The following ZBTB10 variants were observed in gnomAD, a reference collection of about 807,000 sequenced individuals.
ZBTB10 encodes zinc finger and BTB domain containing 10.
In ZBTB10, 32 loss-of-function variants were observed where a neutral mutation model predicts 76.4. That is an observed-to-expected ratio of 0.42 (90% confidence interval 0.32 to 0.56). The LOEUF (loss-of-function observed/expected upper bound fraction) is 0.56, where lower values mean the gene tolerates loss of function less well. ZBTB10 is among the 20% of genes least tolerant of loss of function. The probability of loss-of-function intolerance (pLI) is 0.14; values close to 1 mark genes in which losing one functional copy is unlikely to be tolerated. For synonymous variants in ZBTB10, 523 were observed against 432.9 expected (o/e 1.21, Z -2.58); for missense variants, 1,057 against 1,098.5 (o/e 0.96, Z 0.53).
intron 2 of ZBTB10, among the ~76,000 whole-genome samples, chr8:80,506,007 C>T (rs1423824992): frequency 2.7e-5 from 4 of 150,748 alleles, no homozygotes; most frequent in Admixed American, 6.6e-5. Flanking sequence ...CCTCCAGCCT[C>T]ACTTCCCAAA....
At chr8:80,502,409 T>A (rs765846875) in intron 2 of ZBTB10, among the ~76,000 whole-genome samples, 3 of 152,124 alleles carry the variant, frequency 2.0e-5, no homozygotes, top group African/African-American at 4.8e-5. Context: ...CTAATTTTTT[T>A]ATTATTACTA....
In ZBTB10 at chr8:80,486,806, G is replaced by T. The variant is rs1401607495; in HGVS notation, c.-5G>T. 14 of 1,416,286 alleles carry T rather than the reference G, an allele frequency of 9.9e-6. No individual in the cohort carries two copies. Among genetic ancestry groups the T allele is most frequent in the Non-Finnish European group, 1.2e-5 (13 of 1,088,366 alleles). The allele number at this position is 1,416,286 out of a possible 1,614,324, so 87.7% of individuals were successfully genotyped here. ...CACCGGGCGGCGGCGGCGGCGGCGC[G>T]CGCCATGTCGTTCAGTGAAATGAAC... On this transcript the variant is annotated 5_prime_UTR_variant, in exon 1 of 6. Coordinates refer to ENST00000455036, the MANE Select transcript of ZBTB10 (RefSeq NM_001105539.3).
chr8:80,485,975 C>G (rs1815435916), upstream of ZBTB10: 7 of 1,323,034 alleles, frequency 5.3e-6, no homozygotes, highest in Admixed American at 6.7e-5. Context: ...CACGCCCGCC[C>G]CCTCCCTGAG....
At chr8:80,493,197 G>GCA (rs1815679220) in intron 1 of ZBTB10, among the ~76,000 whole-genome samples, 1 of 108,746 alleles carries the variant, frequency 9.2e-6, no homozygotes, top group Non-Finnish European at 1.9e-5. Context: ...CTCAAAACGC[G>GCA]CGCGCGCGCG....
At chr8:80,494,508 T>C (rs1815730866) in intron 1 of ZBTB10, among the ~76,000 whole-genome samples, 1 of 152,240 alleles carries the variant, frequency 6.6e-6, no homozygotes, top group South Asian at 2.1e-4. Flanking sequence ...ACATCTGTTT[T>C]ATCATGCAAG....
chr8:80,505,161 C>T (rs534238493), intron 2 of ZBTB10, among the ~76,000 whole-genome samples: 1 of 152,138 alleles, frequency 6.6e-6, no homozygotes, highest in Non-Finnish European at 1.5e-5. Context: ...TAAGAGTGCT[C>T]ATCATGGATA....
intron 1 of ZBTB10, among the ~76,000 whole-genome samples, chr8:80,493,674 A>C (rs1306849945): frequency 6.6e-6 from 1 of 151,472 alleles, no homozygotes; most frequent in Non-Finnish European, 1.5e-5. Flanking sequence ...AAACAAAAAA[A>C]AAAAACCGAG....
At chr8:80,509,664 C>T (rs1241784156) in intron 2 of ZBTB10, among the ~76,000 whole-genome samples, 1 of 152,150 alleles carries the variant, frequency 6.6e-6, no homozygotes, top group East Asian at 1.9e-4. Flanking sequence ...TTTTCATTTA[C>T]TAATATCATT....
In ZBTB10 at chr8:80,499,450, A is replaced by G. The variant is rs754644504; in HGVS notation, c.973-44A>G. Reference sequence around the variant, plus strand: ...TTTCCTTGGTTTGGGAGTTTTTAAAAAAGTCAATAAAGTTTAATATTAATG... The same window carrying G: ...TTTCCTTGGTTTGGGAGTTTTTAAAGAAGTCAATAAAGTTTAATATTAATG... On this transcript the variant is annotated intron_variant, in intron 1 of 5. Coordinates refer to ENST00000455036, the MANE Select transcript of ZBTB10 (RefSeq NM_001105539.3). 12 of 1,495,964 alleles carry G rather than the reference A, an allele frequency of 8.0e-6. No homozygotes were observed. The South Asian group carries it at 1.7e-4, about 22-fold the overall frequency. 92.7% of individuals were successfully genotyped at this position (1,495,964 alleles called of 1,614,324 possible). A position where few individuals can be genotyped will look rare whatever the true frequency, so the allele number is the denominator to read the frequency against.
At chr8:80,501,849 GT>G (rs1039548459) in intron 2 of ZBTB10, among the ~76,000 whole-genome samples, 1 of 152,196 alleles carries the variant, frequency 6.6e-6, no homozygotes, top group African/African-American at 2.4e-5. Flanking sequence ...CTAGCACTTT[GT>G]TTTGTCTTAA....
At chr8:80,502,042 C>A (rs775896977) in intron 2 of ZBTB10, among the ~76,000 whole-genome samples, 6 of 152,194 alleles carry the variant, frequency 3.9e-5, no homozygotes, top group Middle Eastern at 3.4e-3. Context: ...TCAGCAGTAA[C>A]CTCATTTAAA....
chr8:80,487,133 G>A lies in ZBTB10; in HGVS notation c.323G>A (p.Gly108Asp), dbSNP rs756254601. Residue 108 changes from glycine (G) to aspartate (D), a missense_variant, in exon 1 of 6, where the codon GGT (glycine) becomes GAT (aspartate). Gly to Asp is a moderately conservative substitution (Grantham distance 94, BLOSUM62 -1). Coordinates refer to ENST00000455036, the MANE Select transcript of ZBTB10 (RefSeq NM_001105539.3). ...GCGGGCGGCCCCACCTCGCTTGGCG[G>A]TGGCGCGGGGGGCCCCCTGCTAGCG... ...QDAGGPTSLG[G>D]GAGGPLLAER... is the part of the protein sequence containing the mutation. 6.6e-7 allele frequency: 1 copy of A among 1,514,476 alleles called. No homozygotes were observed. The highest frequency in any genetic ancestry group is 1.2e-5 in the South Asian group (1 of 80,840). 93.8% of individuals were successfully genotyped at this position (1,514,476 alleles called of 1,614,324 possible). A position where few individuals can be genotyped will look rare whatever the true frequency, so the allele number is the denominator to read the frequency against.
chr8:80,508,499 T>C (rs929509917), intron 2 of ZBTB10, among the ~76,000 whole-genome samples: 3 of 152,232 alleles, frequency 2.0e-5, no homozygotes, highest in Admixed American at 1.3e-4. Flanking sequence ...GCGGAACTTA[T>C]TCACAATAGG....
rs1815875248 is a variant in ZBTB10 at position 80,499,791 on chromosome 8, T to G, written c.1270T>G (p.Leu424Val). The change falls in exon 2 of 6, where the codon TTG becomes GTG. Residue 424 changes from leucine to valine, a missense_variant. Coordinates refer to ENST00000455036, the MANE Select transcript of ZBTB10 (RefSeq NM_001105539.3). ...VQGFSVILDF[L>V]YSGNLVLTSQ... ...AGGTTTTTCAGTCATCTTGGACTTC[T>G]TGTATTCTGGTAACCTGGTGCTCAC... The G allele has an allele frequency of 6.2e-6, 10 of 1,614,036 alleles. No individual in the cohort carries two copies. The highest frequency in any genetic ancestry group is 8.5e-6 in the Non-Finnish European group (10 of 1,179,888).
chr8:80,526,078 T>C lies in ZBTB10; in HGVS notation c.*6550T>C, dbSNP rs914245815. 2.0e-5 allele frequency: 3 copies of C among 152,204 alleles called. No individual in the cohort carries two copies. Among genetic ancestry groups the C allele is most frequent in the Admixed American group, 2.0e-4 (3 of 15,280 alleles). The allele number at this position is 152,204 out of a possible 1,614,324, so 9.4% of individuals were successfully genotyped here. ...TTTGTGATTTTTTTTTTAAACCGTC[T>C]CCATAACAGAACACTTAGAATTATT... On this transcript the variant is annotated 3_prime_UTR_variant, in exon 6 of 6. Coordinates refer to ENST00000455036, the MANE Select transcript of ZBTB10 (RefSeq NM_001105539.3).
At chr8:80,506,550 C>T (rs1254586956) in intron 2 of ZBTB10, among the ~76,000 whole-genome samples, 2 of 144,208 alleles carry the variant, frequency 1.4e-5, no homozygotes, top group East Asian at 3.9e-4. Flanking sequence ...AACTCCTGAC[C>T]TCAGGTGATC....
In ZBTB10 at chr8:80,517,270, G is replaced by A. The variant is rs138667954; in HGVS notation, c.1961-1133G>A. 4.8e-4 allele frequency among the ~76,000 whole-genome samples: 73 copies of A among 152,254 alleles called. 1 individual carries two copies. Among genetic ancestry groups the A allele is most frequent in the Non-Finnish European group, 9.9e-4 (67 of 68,018 alleles). On this transcript the variant is annotated intron_variant, in intron 3 of 5. Coordinates refer to ENST00000455036, the MANE Select transcript of ZBTB10 (RefSeq NM_001105539.3). ...GGAAGTAGGGAGACAAGTTTTTGGT[G>A]GCTACTGAAGACAGTCCAGGGGCTA...
In ZBTB10 at chr8:80,517,943, A is replaced by G. The variant is rs1049254991; in HGVS notation, c.1961-460A>G. Among the ~76,000 whole-genome samples the G allele has an allele frequency of 4.3e-5, 6 of 138,892 alleles. No homozygotes were observed. In the South Asian group the frequency reaches 6.8e-4, roughly 16 times the overall value. 91.1% of individuals were successfully genotyped at this position (138,892 alleles called of 152,430 possible). On this transcript the variant is annotated intron_variant, in intron 3 of 5. Transcript: ENST00000455036. ...GCCCTGGCTGGAGTGCAGTGGCGCA[A>G]TCTTGAATCACTGCAACTCCCGGGC...
In ZBTB10 at chr8:80,486,622, G is replaced by C; in HGVS notation, c.-189G>C. The C allele has an allele frequency of 1.0e-6, 1 of 987,984 alleles. No homozygotes were observed. Among genetic ancestry groups the C allele is most frequent in the Non-Finnish European group, 1.2e-6 (1 of 831,882 alleles). 61.2% of individuals were successfully genotyped at this position (987,984 alleles called of 1,614,324 possible). On this transcript the variant is annotated 5_prime_UTR_variant, in exon 1 of 6. Transcript: ENST00000455036. ...CGGCCCGGCAGCGGCAGCGGCAGCG[G>C]ACGCGTGCAGCAGACCCGGGAGCGA...
Sources: gnomAD v4.1 joint callset for allele counts (sites outside exome capture counted in the v4.1 genomes callset) on GRCh38, gnomAD v4.1.1 for gene constraint, MANE v1.5 for transcripts, NCBI Gene and HGNC (gene_info 2026-07-23, HGNC 2026-07-21) for gene names.